FMNL2: variants seen among roughly 807,000 people sequenced by gnomAD.
FMNL2 encodes the protein formin like 2.
A neutral mutation model predicts 130.2 loss-of-function variants in FMNL2; 51 were observed. The observed-to-expected ratio is 0.39, with a 90% confidence interval of 0.31 to 0.49. The LOEUF (loss-of-function observed/expected upper bound fraction) is 0.49. FMNL2 is among the 20% of genes least tolerant of loss of function. The probability of loss-of-function intolerance (pLI) is 0.85; values close to 1 mark genes in which losing one functional copy is unlikely to be tolerated. For missense variants in FMNL2, 977 were observed against 1,316.2 expected (o/e 0.74, Z 3.99); for synonymous variants, 465 against 467.1 (o/e 1.00, Z 0.06).
intron 2 of FMNL2, among the ~76,000 whole-genome samples, chr2:152,534,646 C>A (rs1693890757): frequency 6.6e-6 from 1 of 150,462 alleles, no homozygotes; most frequent in African/African-American, 2.4e-5. Flanking sequence ...TGATACATGA[C>A]CATCTCTGGG....
chr2:152,447,228 G>A (rs1688394516), intron 1 of FMNL2, among the ~76,000 whole-genome samples: 1 of 151,946 alleles, frequency 6.6e-6, no homozygotes, highest in Non-Finnish European at 1.5e-5. Context: ...AGCTTCTCCA[G>A]TAGTCGGGAT....
intron 1 of FMNL2, among the ~76,000 whole-genome samples, chr2:152,456,075 A>G (rs1688939827): frequency 6.6e-6 from 1 of 152,222 alleles, no homozygotes; most frequent in South Asian, 2.1e-4. Context: ...TGTCTTGACT[A>G]ATGCATTTGA....
At position 152,592,150 on chromosome 2, in the gene FMNL2, A is replaced by G. The variant is rs891833752; in HGVS notation, c.876+11101A>G. Among the ~76,000 whole-genome samples, 5 of 152,356 alleles carry G rather than the reference A, an allele frequency of 3.3e-5. 1 individual carries two copies. Among genetic ancestry groups the G allele is most frequent in the Admixed American group, 2.6e-4 (4 of 15,300 alleles). On this transcript the variant is annotated intron_variant, in intron 9 of 25. Coordinates refer to ENST00000288670, the MANE Select transcript of FMNL2 (RefSeq NM_052905.4). Reference sequence around the variant, plus strand: ...TGATTTCCGTGCCACAGAAGTTTGTATTGCCTTGAGAAAGGTAGGACTGAC... The same window carrying G: ...TGATTTCCGTGCCACAGAAGTTTGTGTTGCCTTGAGAAAGGTAGGACTGAC...
At chr2:152,599,347 A>G (rs1327344828) in intron 9 of FMNL2, among the ~76,000 whole-genome samples, 1 of 144,650 alleles carries the variant, frequency 6.9e-6, no homozygotes, top group African/African-American at 2.6e-5. Flanking sequence ...TCGGAAAGAG[A>G]TCATTTATGA....
chr2:152,481,194 T>A (rs942932500), intron 1 of FMNL2, among the ~76,000 whole-genome samples: 1 of 152,238 alleles, frequency 6.6e-6, no homozygotes, highest in Non-Finnish European at 1.5e-5. Flanking sequence ...AAATTTCTTC[T>A]AAGCAGAAGA....
intron 1 of FMNL2, among the ~76,000 whole-genome samples, chr2:152,497,946 C>T (rs1444570546): frequency 6.6e-6 from 1 of 152,170 alleles, no homozygotes; most frequent in Non-Finnish European, 1.5e-5. Flanking sequence ...GCCCTTATCT[C>T]CAAGAAGCTG....
At chr2:152,604,779 A>G (rs1698267098) in intron 9 of FMNL2, among the ~76,000 whole-genome samples, 1 of 152,012 alleles carries the variant, frequency 6.6e-6, no homozygotes, top group Non-Finnish European at 1.5e-5. Flanking sequence ...TATTTTTAGT[A>G]CAGACGGGGT....
At chr2:152,479,592 A>T (rs1690361529) in intron 1 of FMNL2, among the ~76,000 whole-genome samples, 1 of 152,124 alleles carries the variant, frequency 6.6e-6, no homozygotes, top group South Asian at 2.1e-4. Flanking sequence ...CTCGACTTTG[A>T]TGTTTTTACA....
intron 1 of FMNL2, among the ~76,000 whole-genome samples, chr2:152,508,198 C>G (rs79172149): frequency 2.9e-3 from 440 of 152,220 alleles, no homozygotes; most frequent in African/African-American, 9.9e-3. Context: ...GGATGGAACA[C>G]TGCAGCAACG....
intron 7 of FMNL2, among the ~76,000 whole-genome samples, chr2:152,577,583 T>C (rs529251046): frequency 6.6e-6 from 1 of 152,256 alleles, no homozygotes; most frequent in South Asian, 2.1e-4. Flanking sequence ...TCTGTTTAAA[T>C]GTCAGAGAGA....
At chr2:152,536,568 G>T (rs1002982789) in intron 2 of FMNL2, among the ~76,000 whole-genome samples, 3 of 152,058 alleles carry the variant, frequency 2.0e-5, no homozygotes, top group East Asian at 1.9e-4. Context: ...ATTATTTTAG[G>T]ATCAAGATAA....
chr2:152,644,658 C>T (rs1378170840), intron 25 of FMNL2, among the ~76,000 whole-genome samples: 1 of 152,206 alleles, frequency 6.6e-6, no homozygotes, highest in African/African-American at 2.4e-5. Context: ...GGCTTAGGTC[C>T]TCCCACTGTC....
At chr2:152,448,204 T>TAA (rs70974863) in intron 1 of FMNL2, among the ~76,000 whole-genome samples, 4 of 146,126 alleles carry the variant, frequency 2.7e-5, no homozygotes, top group South Asian at 2.2e-4. Flanking sequence ...GCTGATTTCT[T>TAA]AAAAAAAAAA....
At chr2:152,551,160 G>A (rs867245622) in intron 4 of FMNL2, among the ~76,000 whole-genome samples, 106 of 131,234 alleles carry the variant, frequency 8.1e-4, no homozygotes, top group Non-Finnish European at 1.3e-3. Context: ...AAAAAAAAAA[G>A]CATTTCTTTA....
intron 1 of FMNL2, among the ~76,000 whole-genome samples, chr2:152,500,444 C>T (rs531616683): frequency 2.0e-5 from 3 of 152,308 alleles, no homozygotes; most frequent in South Asian, 2.1e-4. Flanking sequence ...CGGCTCAGAA[C>T]GTTTTTCTTA....
chr2:152,636,343 C>T (rs1682601448), intron 21 of FMNL2, 84 bp from the exon 22 acceptor site: 1 of 1,444,866 alleles, frequency 6.9e-7, no homozygotes, highest in African/African-American at 1.4e-5. Context: ...TAAGAATCTC[C>T]TGAGAACTTG....
rs1418299924 is a variant in FMNL2, at chr2:152,367,884, T to C, written c.117+32164T>C. On this transcript the variant is annotated intron_variant, in intron 1 of 25. Transcript: ENST00000288670. ...TGTTCAACTGAATTGACAACTAATA[T>C]GTATCACGCCACACCACTCTGCGGT... 7.9e-5 allele frequency among the ~76,000 whole-genome samples: 12 copies of C among 152,336 alleles called. No individual in the cohort carries two copies. In the East Asian group the frequency reaches 2.3e-3, roughly 29 times the overall value.
At chr2:152,478,899 A>C (rs1690318849) in intron 1 of FMNL2, among the ~76,000 whole-genome samples, 1 of 152,160 alleles carries the variant, frequency 6.6e-6, no homozygotes, top group Non-Finnish European at 1.5e-5. Context: ...AGTATATTAA[A>C]ACTACAGTAT....
chr2:152,526,108 A>G (rs1478117765), intron 2 of FMNL2, among the ~76,000 whole-genome samples: 1 of 152,152 alleles, frequency 6.6e-6, no homozygotes, highest in Non-Finnish European at 1.5e-5. Flanking sequence ...GAAAGTGTTC[A>G]TGTTTTTGTG....
Sources: gnomAD v4.1 joint callset for allele counts (sites outside exome capture counted in the v4.1 genomes callset) on GRCh38, gnomAD v4.1.1 for gene constraint, MANE v1.5 for transcripts, NCBI Gene and HGNC (gene_info 2026-07-23, HGNC 2026-07-21) for gene names.